LRMDA: variants seen among roughly 807,000 people sequenced by gnomAD.
LRMDA encodes leucine-rich melanocyte differentiation-associated protein.
A neutral mutation model predicts 29.8 loss-of-function variants in LRMDA; 18 were observed. That is an observed-to-expected ratio of 0.60 (90% CI 0.42 to 0.90). The LOEUF is 0.90. Among genes scored for constraint, LRMDA ranks in the 40% least tolerant of loss-of-function variants. The probability of loss-of-function intolerance (pLI) is 0.00; values close to 1 mark genes in which losing one functional copy is unlikely to be tolerated. For synonymous variants in LRMDA, 125 were observed against 109.4 expected, an observed-to-expected ratio of 1.14 and a Z score of -0.89; for missense variants, 273 against 273.9, an observed-to-expected ratio of 1.00 and a Z score of 0.02.
At chr10:76,069,454 C>G (rs1466778025) in intron 5 of LRMDA, among the ~76,000 whole-genome samples, 1 of 152,152 alleles carries the variant, frequency 6.6e-6, no homozygotes, top group African/African-American at 2.4e-5. Context: ...TTACGTGCAG[C>G]CTTTTCACCA....
chr10:76,261,327 C>T (rs1839940569), intron 5 of LRMDA, among the ~76,000 whole-genome samples: 1 of 151,978 alleles, frequency 6.6e-6, no homozygotes, highest in African/African-American at 2.4e-5. Flanking sequence ...CTGCCTCGGC[C>T]TCCCAAAGTG....
At chr10:76,186,578 C>T (rs751623278) in intron 5 of LRMDA, among the ~76,000 whole-genome samples, 17 of 152,160 alleles carry the variant, frequency 1.1e-4, no homozygotes, top group Non-Finnish European at 2.2e-4. Context: ...GGGTTAGGAC[C>T]ACCCTCCGCC....
chr10:75,436,071 AAAAG>A (rs1252847216), intron 1 of LRMDA, among the ~76,000 whole-genome samples: 12 of 142,456 alleles, frequency 8.4e-5, no homozygotes, highest in South Asian at 2.2e-4. Flanking sequence ...AAAAAAAAAA[AAAAG>A]AGAGAGAGAA....
chr10:75,571,962 A>G (rs1338422132), intron 2 of LRMDA, among the ~76,000 whole-genome samples: 2 of 151,890 alleles, frequency 1.3e-5, no homozygotes, highest in Non-Finnish European at 2.9e-5. Flanking sequence ...TATTATTATT[A>G]TTATTATTTT....
intron 2 of LRMDA, among the ~76,000 whole-genome samples, chr10:75,571,090 C>T (rs1272479051): frequency 6.6e-6 from 1 of 152,100 alleles, no homozygotes; most frequent in East Asian, 1.9e-4. Context: ...AATTTGACCC[C>T]ATGGTTTGGG....
chr10:76,105,558 G>A (rs541771704), intron 5 of LRMDA, among the ~76,000 whole-genome samples: 5 of 152,186 alleles, frequency 3.3e-5, no homozygotes, highest in African/African-American at 1.2e-4. Flanking sequence ...GAGACACAGG[G>A]GAGAAGGCCA....
intron 5 of LRMDA, among the ~76,000 whole-genome samples, chr10:76,198,581 G>A (rs1340958660): frequency 2.6e-5 from 4 of 152,142 alleles, no homozygotes; most frequent in Non-Finnish European, 5.9e-5. Flanking sequence ...ATAACTTACA[G>A]GTCTTTGCAT....
chr10:75,727,035 C>T (rs778302266), intron 2 of LRMDA, among the ~76,000 whole-genome samples: 50 of 152,186 alleles, frequency 3.3e-4, no homozygotes, highest in Non-Finnish European at 5.3e-4. Context: ...CTTTGACGTT[C>T]CCAGTAAAGG....
chr10:76,549,125 T>A (rs1843457133), intron 6 of LRMDA, among the ~76,000 whole-genome samples: 1 of 152,178 alleles, frequency 6.6e-6, no homozygotes, highest in African/African-American at 2.4e-5. Context: ...TCTTCTAAGA[T>A]GACAAGCCTC....
chr10:75,639,212 T>C (rs1841423785), intron 2 of LRMDA, among the ~76,000 whole-genome samples: 2 of 152,212 alleles, frequency 1.3e-5, no homozygotes, highest in Non-Finnish European at 1.5e-5. Flanking sequence ...TCAGATTAAA[T>C]GTATTTGTGG....
intron 5 of LRMDA, among the ~76,000 whole-genome samples, chr10:76,178,898 G>A (rs1488166082): frequency 1.3e-5 from 2 of 152,194 alleles, no homozygotes; most frequent in Admixed American, 6.5e-5. Context: ...CAGGCAGCAA[G>A]CACTTTAGGA....
At chr10:76,302,369 G>A (rs1160014604) in intron 5 of LRMDA, among the ~76,000 whole-genome samples, 1 of 152,204 alleles carries the variant, frequency 6.6e-6, no homozygotes, top group Non-Finnish European at 1.5e-5. Flanking sequence ...TCCCTGGGGG[G>A]TGGTAAGGAG....
chr10:76,147,419 CTTCATTTCA>C (rs1471748847), intron 5 of LRMDA, among the ~76,000 whole-genome samples: 6 of 152,244 alleles, frequency 3.9e-5, no homozygotes, highest in Admixed American at 2.6e-4. Context: ...TCTCTTCTCG[CTTCATTTCA>C]TTCATTTCAT....
chr10:75,685,968 G>A (rs573692039), intron 2 of LRMDA, among the ~76,000 whole-genome samples: 5 of 152,158 alleles, frequency 3.3e-5, no homozygotes, highest in African/African-American at 9.7e-5. Flanking sequence ...ATGAGGTGGG[G>A]CCCTTATCAT....
At chr10:76,248,920 C>G (rs114682449) in intron 5 of LRMDA, among the ~76,000 whole-genome samples, 1 of 152,178 alleles carries the variant, frequency 6.6e-6, no homozygotes, top group Non-Finnish European at 1.5e-5. Flanking sequence ...AAATGCCTTT[C>G]TTATCAACAC....
At chr10:76,535,750 G>A (rs1038761184) in intron 6 of LRMDA, 1 of 152,060 alleles carries the variant, frequency 6.6e-6, no homozygotes. Context: ...GTCTGCCTGT[G>A]TATTATATAT....
At chr10:75,687,803 C>CAAGT (rs1842100905) in intron 2 of LRMDA, among the ~76,000 whole-genome samples, 2 of 152,172 alleles carry the variant, frequency 1.3e-5, no homozygotes, top group African/African-American at 2.4e-5. Context: ...TTAGGGGGTA[C>CAAGT]TGCAGCTGGC....
chr10:76,097,790 A>T (rs1849337604), intron 5 of LRMDA, among the ~76,000 whole-genome samples: 1 of 152,138 alleles, frequency 6.6e-6, no homozygotes, highest in Non-Finnish European at 1.5e-5. Flanking sequence ...ACATATTTTT[A>T]ATATTAATAT....
In LRMDA at chr10:75,832,540, C is replaced by T. The variant is rs549698675; in HGVS notation, c.132-203468C>T. Among the ~76,000 whole-genome samples, 228 of 152,326 alleles carry T rather than the reference C, an allele frequency of 1.5e-3. 1 individual carries two copies. The highest frequency in any genetic ancestry group is 5.1e-3 in the African/African-American group (211 of 41,558). On this transcript the variant is annotated intron_variant, in intron 2 of 6. Transcript: ENST00000611255. The stretch of plus-strand genomic sequence containing the variant: ...GCCCTCCAGACTGTTCCAACCTCTG[C>T]CTGTTACCCAGTTCCAAAGTCGCTT...
Sources: allele counts gnomAD v4.1 joint callset (sites outside exome capture counted in the v4.1 genomes callset), GRCh38; gene constraint gnomAD v4.1.1; transcripts MANE v1.5; gene names NCBI Gene and HGNC (gene_info 2026-07-23, HGNC 2026-07-21).